SRRM4: variants seen among roughly 807,000 people sequenced by gnomAD.
SRRM4 encodes serine/arginine repetitive matrix 4, also known as serine/arginine repetitive matrix protein 4.
SRRM4 carries 33 observed loss-of-function variants against 68.9 expected under a neutral mutation model. That is an observed-to-expected ratio of 0.48 (90% CI 0.36 to 0.64). The LOEUF is 0.64. Ranked by LOEUF, SRRM4 falls within the 30% of genes least tolerant of loss-of-function variation. The pLI is 0.00. For missense variants in SRRM4, 817 were observed against 827.1 expected (o/e 0.99, Z 0.15); for synonymous variants, 318 against 318.8 (o/e 1.00, Z 0.03).
intron 8 of SRRM4, among the ~76,000 whole-genome samples, chr12:119,141,563 C>T (rs1318617423): frequency 6.6e-6 from 1 of 152,122 alleles, no homozygotes; most frequent in Non-Finnish European, 1.5e-5. Context: ...CTGGCAGACA[C>T]CCAGCTGGAT....
chr12:119,067,633 G>A (rs528381016), intron 1 of SRRM4, among the ~76,000 whole-genome samples: 49 of 152,226 alleles, frequency 3.2e-4, no homozygotes, highest in African/African-American at 9.6e-4. Flanking sequence ...ACTTGAACCC[G>A]GGAGGTGGAG....
At chr12:119,068,499 A>T (rs1953859395) in intron 1 of SRRM4, among the ~76,000 whole-genome samples, 1 of 152,198 alleles carries the variant, frequency 6.6e-6, no homozygotes, top group African/African-American at 2.4e-5. Context: ...AGAGCTGGGC[A>T]GCTGCAGTGA....
rs114519482 is a variant in SRRM4 at position 119,003,363 on chromosome 12, G to A, written c.131+21350G>A. On this transcript the variant is annotated intron_variant, in intron 1 of 12. Transcript: ENST00000267260. Reference sequence around the variant, plus strand: ...GGCATATCCTGAGCCTCAGCCCCCAGGGCTCTGTAGCATCCTTGATTTTTT... The same window carrying A: ...GGCATATCCTGAGCCTCAGCCCCCAAGGCTCTGTAGCATCCTTGATTTTTT... Among the ~76,000 whole-genome samples the A allele has an allele frequency of 3.2e-3, 492 of 151,902 alleles. 5 individuals carry two copies. The highest frequency in any genetic ancestry group is 0.011 in the African/African-American group (439 of 41,496).
chr12:119,029,382 C>A (rs906531837), intron 1 of SRRM4, among the ~76,000 whole-genome samples: 1 of 152,136 alleles, frequency 6.6e-6, no homozygotes, highest in African/African-American at 2.4e-5. Context: ...AGTTTTGTGC[C>A]GTGTGATTGC....
At chr12:119,131,626 G>A (rs1332811757) in intron 8 of SRRM4, among the ~76,000 whole-genome samples, 9 of 152,216 alleles carry the variant, frequency 5.9e-5, no homozygotes, top group Non-Finnish European at 1.0e-4. Flanking sequence ...TCTGAATTCA[G>A]TCCTAGCTTG....
chr12:119,017,078 A>T (rs776285615), intron 1 of SRRM4, among the ~76,000 whole-genome samples: 6 of 152,260 alleles, frequency 3.9e-5, no homozygotes, highest in Non-Finnish European at 7.3e-5. Flanking sequence ...CGCATGGATT[A>T]TAAGACTTTT....
rs1223155535 is a variant in SRRM4 at position 119,161,017 on chromosome 12, A to G, written c.*4219A>G. 1.3e-5 allele frequency: 2 copies of G among 152,256 alleles called. No individual in the cohort carries two copies. Among genetic ancestry groups the G allele is most frequent in the Non-Finnish European group, 2.9e-5 (2 of 68,050 alleles). The allele number at this position is 152,256 out of a possible 1,614,324, so 9.4% of individuals were successfully genotyped here. ...GTTAGAACAAAGGTCTCAGTCTCAGAGAACCGCATCACTTCATTTGCTCAG... is the reference window on the plus strand; with the variant it reads ...GTTAGAACAAAGGTCTCAGTCTCAGGGAACCGCATCACTTCATTTGCTCAG... On this transcript the variant is annotated 3_prime_UTR_variant, in exon 13 of 13. Coordinates refer to ENST00000267260, the MANE Select transcript of SRRM4 (RefSeq NM_194286.4).
intron 1 of SRRM4, among the ~76,000 whole-genome samples, chr12:118,986,202 A>G (rs538885830): frequency 1.4e-4 from 21 of 152,322 alleles, no homozygotes; most frequent in African/African-American, 4.8e-4. Flanking sequence ...ATCAGGAGCC[A>G]GGTGAGGGGC....
chr12:119,048,741 A>G (rs1953723180), intron 1 of SRRM4, among the ~76,000 whole-genome samples: 1 of 152,190 alleles, frequency 6.6e-6, no homozygotes, highest in South Asian at 2.1e-4. Flanking sequence ...CCTGGCCAAC[A>G]TGGAGAAACC....
At chr12:119,039,658 T>A (rs975321180) in intron 1 of SRRM4, among the ~76,000 whole-genome samples, 3 of 152,122 alleles carry the variant, frequency 2.0e-5, no homozygotes, top group Admixed American at 2.0e-4. Context: ...CTTACAAAGG[T>A]GGTATATAAA....
chr12:119,098,653 C>T (rs573526067), intron 1 of SRRM4, among the ~76,000 whole-genome samples: 2 of 152,298 alleles, frequency 1.3e-5, no homozygotes, highest in East Asian at 3.9e-4. Context: ...AGGCATACCA[C>T]ATCCTAGAAA....
chr12:119,128,516 A>G (rs897066447), intron 7 of SRRM4, among the ~76,000 whole-genome samples: 6 of 152,242 alleles, frequency 3.9e-5, no homozygotes, highest in South Asian at 2.1e-4. Flanking sequence ...AAACTTCCCT[A>G]TGGTATGAAG....
In SRRM4 at chr12:118,998,268, C is replaced by CAAAAAAAAAAAAAAAAAAAA. The variant is rs35250419; in HGVS notation, c.131+16267_131+16286dup. Among the ~76,000 whole-genome samples, 7 of 36,582 alleles carry CAAAAAAAAAAAAAAAAAAAA rather than the reference C, an allele frequency of 1.9e-4. 1 individual carries two copies. The highest frequency in any genetic ancestry group is 1.1e-3 in the Admixed American group (2 of 1,902). The allele number at this position is 36,582 out of a possible 152,430, so 24.0% of individuals were successfully genotyped here. ...AACTGAGTGGATAAGAGCAATATGGCAAAAAAAAAAAAAAAAAAAAAAAAA... is the reference window on the plus strand; with the variant it reads ...AACTGAGTGGATAAGAGCAATATGGCAAAAAAAAAAAAAAAAAAAAAAAAAAAAAAAAAAAAAAAAAAAAA... On this transcript the variant is annotated intron_variant, in intron 1 of 12. Transcript: ENST00000267260.
Position 119,156,576 on chromosome 12 carries a change from C to T in SRRM4, c.1614C>T (p.Ser538=), listed in dbSNP as rs753883092. The T allele has an allele frequency of 1.2e-6, 2 of 1,611,106 alleles. No individual in the cohort carries two copies. Among genetic ancestry groups the T allele is most frequent in the Admixed American group, 1.7e-5 (1 of 59,996 alleles). The change falls in exon 13 of 13, where the codon AGC becomes AGT. Residue 538 remains serine, a synonymous_variant. Coordinates refer to ENST00000267260, the MANE Select transcript of SRRM4 (RefSeq NM_194286.4). ...GSLSSTSSWY[S]SSSSRSASRS... ...TCAGCAGCACCTCCTCCTGGTACAG[C>T]AGCAGCAGTAGCCGCTCGGCCAGCC... is the stretch of plus-strand genomic sequence containing the variant.
chr12:119,139,915 G>A (rs557743869), intron 8 of SRRM4, among the ~76,000 whole-genome samples: 23 of 152,026 alleles, frequency 1.5e-4, no homozygotes, highest in African/African-American at 5.6e-4. Flanking sequence ...CTACATAATA[G>A]TTGTATATAT....
chr12:119,113,214 C>T (rs1271231606), intron 2 of SRRM4, among the ~76,000 whole-genome samples: 1 of 152,124 alleles, frequency 6.6e-6, no homozygotes, highest in Non-Finnish European at 1.5e-5. Context: ...CACAATGATC[C>T]AGATTCTTAA....
At chr12:119,086,183 G>A (rs530574727) in intron 1 of SRRM4, among the ~76,000 whole-genome samples, 1 of 152,138 alleles carries the variant, frequency 6.6e-6, no homozygotes, top group East Asian at 1.9e-4. Context: ...AAACATCTGG[G>A]TCCAGGCTCC....
At chr12:119,021,353 A>G (rs1204114743) in intron 1 of SRRM4, among the ~76,000 whole-genome samples, 2 of 152,218 alleles carry the variant, frequency 1.3e-5, no homozygotes, top group Non-Finnish European at 2.9e-5. Context: ...ACCACATGGA[A>G]AAGAGGCAGA....
intron 2 of SRRM4, among the ~76,000 whole-genome samples, chr12:119,112,311 T>C (rs111922481): frequency 0.1 from 15,620 of 152,104 alleles, 1,053 homozygotes; most frequent in African/African-American, 0.19. Context: ...CAGATGCTGG[T>C]GAGGTTGTAC....
Sources: allele counts gnomAD v4.1 joint callset (sites outside exome capture counted in the v4.1 genomes callset), GRCh38; gene constraint gnomAD v4.1.1; transcripts MANE v1.5; gene names NCBI Gene and HGNC (gene_info 2026-07-23, HGNC 2026-07-21).